Variants in PASD1 observed in about 807,000 individuals in gnomAD.
The protein encoded by PASD1 is circadian clock protein PASD1.
In PASD1, 13 loss-of-function variants were observed where a neutral mutation model predicts 58.8. That is an observed-to-expected ratio of 0.22 (90% CI 0.14 to 0.35). The LOEUF (loss-of-function observed/expected upper bound fraction) is 0.35, where lower values mean the gene tolerates loss of function less well. PASD1 is among the 10% of genes least tolerant of loss of function. The pLI is 1.00. For synonymous variants in PASD1, 236 were observed against 216.7 expected (o/e 1.09, Z -0.78); for missense variants, 734 against 568.3 (o/e 1.29, Z -2.96).
chrX:151,625,595 A>G, intron 8 of PASD1, 65 bp downstream of exon 8: 2 of 864,738 alleles, frequency 2.3e-6, no homozygotes, highest in South Asian at 4.8e-5. Flanking sequence ...CGAAACTAAA[A>G]CAAGAGAAAT....
intron 8 of PASD1, among the ~76,000 whole-genome samples, chrX:151,632,963 G>T (rs902331785): frequency 9.9e-5 from 11 of 111,385 alleles, no homozygotes; most frequent in African/African-American, 3.6e-4. Flanking sequence ...TCCAAATATG[G>T]AGTAATTATA....
At chrX:151,651,001 T>C (rs1271159602) in intron 9 of PASD1, among the ~76,000 whole-genome samples, 1 of 111,567 alleles carries the variant, frequency 9.0e-6, no homozygotes, top group Non-Finnish European at 1.9e-5. Context: ...AGCATATTGA[T>C]TGGCATATTC....
At position 151,655,570 on chromosome X, in the gene PASD1, A is replaced by G. The variant is rs1025513465; in HGVS notation, c.718-4143A>G. Among the ~76,000 whole-genome samples the G allele has an allele frequency of 7.2e-5, 8 of 111,563 alleles. No individual in the cohort carries two copies. In the East Asian group the frequency reaches 1.7e-3, roughly 24 times the overall value. On this transcript the variant is annotated intron_variant, in intron 9 of 15. Transcript: ENST00000370357. ...TCTAACTGGTGTGAGATGGTATCTC[A>G]TTGTGGTTTTGATTTGCATTTCTCT...
chrX:151,621,731 C>A (rs4408034), intron 6 of PASD1, 139 bp downstream of exon 6: 29,459 of 335,385 alleles, frequency 0.088, 1,820 homozygotes, highest in African/African-American at 0.31. Context: ...ACTCACATTA[C>A]TTAGACTTTT....
chrX:151,613,623 C>G (rs1244302388), intron 4 of PASD1, among the ~76,000 whole-genome samples: 2 of 111,415 alleles, frequency 1.8e-5, no homozygotes, highest in Non-Finnish European at 3.8e-5. Flanking sequence ...TCTTGTTTGT[C>G]TGATATTGGT....
chrX:151,644,295 A>C (rs2014031313), intron 8 of PASD1, among the ~76,000 whole-genome samples: 1 of 112,121 alleles, frequency 8.9e-6, no homozygotes, highest in Admixed American at 9.5e-5. Flanking sequence ...ACAAGTGTAC[A>C]TTGTATGCAG....
At chrX:151,588,714 C>T (rs1014705625) in intron 1 of PASD1, among the ~76,000 whole-genome samples, 2 of 112,106 alleles carry the variant, frequency 1.8e-5, no homozygotes, top group African/African-American at 3.2e-5. Flanking sequence ...TAACTTTAAC[C>T]TCTTCAGATG....
At position 151,610,478 on chromosome X, in the gene PASD1, A is replaced by G. The variant is rs977761039; in HGVS notation, c.118-1186A>G. Among the ~76,000 whole-genome samples the G allele has an allele frequency of 3.6e-5, 4 of 111,736 alleles. No individual in the cohort carries two copies. The Admixed American group carries it at 3.8e-4, about 11-fold the overall frequency. On this transcript the variant is annotated intron_variant, in intron 3 of 15. Coordinates refer to ENST00000370357, the MANE Select transcript of PASD1 (RefSeq NM_173493.3). ...TTATTTATTTAAGCCTATTAAGCATACTTATTTTGTATTCTGTATCTGATA... is the reference window on the plus strand; with the variant it reads ...TTATTTATTTAAGCCTATTAAGCATGCTTATTTTGTATTCTGTATCTGATA...
intron 1 of PASD1, among the ~76,000 whole-genome samples, chrX:151,594,756 A>G (rs1367808401): frequency 1.8e-5 from 2 of 111,847 alleles, no homozygotes; most frequent in Non-Finnish European, 3.8e-5. Context: ...TCCTTTGTGT[A>G]GATCTGAGAT....
intron 10 of PASD1, among the ~76,000 whole-genome samples, 180 bp downstream of exon 10, chrX:151,660,016 G>C (rs1473727814): frequency 8.9e-6 from 1 of 112,276 alleles, no homozygotes; most frequent in Non-Finnish European, 1.9e-5. Flanking sequence ...ATAAAAATGA[G>C]TATTTCATCA....
chrX:151,669,176 G>GTGTGTA (rs1556221495), intron 11 of PASD1, among the ~76,000 whole-genome samples: 1 of 101,475 alleles, frequency 9.9e-6, no homozygotes, highest in African/African-American at 3.6e-5. Context: ...ATGTGTGTGT[G>GTGTGTA]TATATATATA....
intron 1 of PASD1, among the ~76,000 whole-genome samples, chrX:151,592,363 G>A (rs778248783): frequency 4.3e-4 from 48 of 111,778 alleles, no homozygotes; most frequent in African/African-American, 1.5e-3. Flanking sequence ...TAGTATTTCT[G>A]TGCAGTTTTG....
At chrX:151,611,284 A>G (rs2013554080) in intron 3 of PASD1, among the ~76,000 whole-genome samples, 1 of 112,140 alleles carries the variant, frequency 8.9e-6, no homozygotes, top group Non-Finnish European at 1.9e-5. Flanking sequence ...TTATAAGGAG[A>G]TGACTAACCT....
chrX:151,644,937 GC>G (rs1167487065), intron 8 of PASD1, among the ~76,000 whole-genome samples: 2 of 110,822 alleles, frequency 1.8e-5, no homozygotes, highest in African/African-American at 6.6e-5. Flanking sequence ...TTCCCAGGGA[GC>G]CACTTAACAG....
chrX:151,599,394 C>T (rs906957533), intron 1 of PASD1, among the ~76,000 whole-genome samples: 162 of 110,480 alleles, frequency 1.5e-3, no homozygotes, highest in Non-Finnish European at 2.4e-3. Context: ...CCAGACGGGG[C>T]GGCAGGGCAG....
chrX:151,672,480 G>A lies in PASD1; in HGVS notation c.1735G>A (p.Gly579Arg). Reference sequence around the variant, plus strand: ...GCCACTGAAGCATAATGTCATCGTGGGGAATGAGAGGGTGCAGATATGCCT... The same window carrying A: ...GCCACTGAAGCATAATGTCATCGTGAGGAATGAGAGGGTGCAGATATGCCT... ...EQPLKHNVIV[G>R]NERVQICLQN... The change falls in exon 14 of 16, where the codon GGG becomes AGG. Residue 579 changes from glycine (G) to arginine (R), a missense_variant. Physicochemically the swap from Gly to Arg is moderately radical, Grantham distance 125 (BLOSUM62 -2). Transcript: ENST00000370357. 2.5e-6 allele frequency: 3 copies of A among 1,211,731 alleles called. No homozygotes were observed. The highest frequency in any genetic ancestry group is 3.5e-5 in the African/African-American group (2 of 57,777).
chrX:151,653,751 C>CTTCCTTCTTTCT (rs2014170686), intron 9 of PASD1, among the ~76,000 whole-genome samples: 4 of 16,955 alleles, frequency 2.4e-4, no homozygotes, highest in Non-Finnish European at 3.5e-4. Flanking sequence ...TCTTTCCTTC[C>CTTCCTTCTTTCT]TTCTTTCTTT....
intron 1 of PASD1, among the ~76,000 whole-genome samples, chrX:151,585,258 G>T (rs775618463): frequency 5.2e-4 from 58 of 111,923 alleles, no homozygotes; most frequent in Non-Finnish European, 8.5e-4. Context: ...CTTACTAGCT[G>T]GTTGATCTTG....
chrX:151,666,372 CT>C (rs1255458299), intron 11 of PASD1, among the ~76,000 whole-genome samples: 2 of 108,317 alleles, frequency 1.8e-5, no homozygotes, highest in East Asian at 2.9e-4. Context: ...TCTCATCCAC[CT>C]TTTTTTTTCT....
Sources: gnomAD v4.1 joint callset for allele counts (sites outside exome capture counted in the v4.1 genomes callset) on GRCh38, gnomAD v4.1.1 for gene constraint, MANE v1.5 for transcripts, NCBI Gene and HGNC (gene_info 2026-07-23, HGNC 2026-07-21) for gene names.